FBP2: variants seen among roughly 807,000 people sequenced by gnomAD.
The protein encoded by FBP2 is fructose-1,6-bisphosphatase isozyme 2.
Under a neutral mutation model 31.6 loss-of-function variants are expected in FBP2, and 27 were observed. The observed-to-expected ratio is 0.85, with a 90% CI of 0.63 to 1.18. The LOEUF is 1.18. Among genes scored for constraint, FBP2 ranks in the 50% most tolerant of loss-of-function variants. The probability of loss-of-function intolerance (pLI) is 0.00; values close to 1 mark genes in which losing one functional copy is unlikely to be tolerated. For synonymous variants in FBP2, 168 were observed against 179.8 expected (o/e 0.93, Z 0.53); for missense variants, 421 against 436.1 (o/e 0.97, Z 0.31).
chr9:94,585,826 G>C (rs1292280991), intron 2 of FBP2, among the ~76,000 whole-genome samples: 3 of 151,614 alleles, frequency 2.0e-5, no homozygotes, highest in African/African-American at 4.8e-5. Context: ...GCCTAGGCTG[G>C]TCTCAAACTC....
chr9:94,577,965 T>C (rs547021391), intron 3 of FBP2, among the ~76,000 whole-genome samples: 3 of 152,326 alleles, frequency 2.0e-5, no homozygotes, highest in Admixed American at 2.0e-4. Flanking sequence ...AGTAAGTGAG[T>C]ACACATAAAT....
At chr9:94,575,568 A>G (rs1315488430) in intron 3 of FBP2, among the ~76,000 whole-genome samples, 1 of 152,182 alleles carries the variant, frequency 6.6e-6, no homozygotes, top group Non-Finnish European at 1.5e-5. Flanking sequence ...TGGGGCTACT[A>G]TGACTAATTT....
At chr9:94,578,035 AT>A (rs1347404554) in intron 3 of FBP2, among the ~76,000 whole-genome samples, 1 of 152,250 alleles carries the variant, frequency 6.6e-6, no homozygotes, top group East Asian at 1.9e-4. Flanking sequence ...GGCTTCAAAA[AT>A]TATTAGTAAA....
chr9:94,576,269 C>T (rs7025414), intron 3 of FBP2, among the ~76,000 whole-genome samples: 27,291 of 152,136 alleles, frequency 0.18, 3,794 homozygotes, highest in African/African-American at 0.4. Flanking sequence ...CTCTTTTAAA[C>T]CCCTCCCTTC....
chr9:94,572,085 G>A (rs761063036), intron 3 of FBP2, among the ~76,000 whole-genome samples: 3 of 152,036 alleles, frequency 2.0e-5, no homozygotes, highest in Non-Finnish European at 2.9e-5. Flanking sequence ...TGCACAACTC[G>A]CCCAGCAGCA....
intron 6 of FBP2, among the ~76,000 whole-genome samples, chr9:94,561,402 A>G (rs1485031201): frequency 8.9e-6 from 1 of 111,900 alleles, no homozygotes; most frequent in Non-Finnish European, 1.7e-5. Flanking sequence ...TCACTCTGTC[A>G]CCCAGGCTGG....
intron 3 of FBP2, among the ~76,000 whole-genome samples, chr9:94,583,685 C>T (rs113984570): frequency 0.035 from 5,366 of 152,266 alleles, 299 homozygotes; most frequent in African/African-American, 0.12. Context: ...CTGCAACCTG[C>T]ACTTCCTGGG....
intron 1 of FBP2, among the ~76,000 whole-genome samples, chr9:94,591,754 ACT>A (rs1827506118): frequency 6.6e-6 from 1 of 152,134 alleles, no homozygotes; most frequent in African/African-American, 2.4e-5. Flanking sequence ...GCGCTCGCTA[ACT>A]CTGCAACAAC....
intron 3 of FBP2, 128 bp from the exon 4 acceptor site, chr9:94,571,730 G>T: frequency 1.2e-6 from 1 of 830,670 alleles, no homozygotes; most frequent in Non-Finnish European, 1.8e-6. Context: ...TTAAGCTGCT[G>T]CAAATCCATC....
intron 2 of FBP2, 152 bp from the exon 3 acceptor site, chr9:94,584,821 G>A (rs1356210967): frequency 1.6e-6 from 1 of 630,148 alleles, no homozygotes; most frequent in South Asian, 1.9e-5. Context: ...GACTTACGGA[G>A]GGCAGGGTGC....
intron 3 of FBP2, among the ~76,000 whole-genome samples, chr9:94,582,607 G>C (rs1238538379): frequency 2.0e-5 from 3 of 150,598 alleles, no homozygotes; most frequent in Non-Finnish European, 4.4e-5. Flanking sequence ...GAGTGCAGTG[G>C]CGCGATCTTG....
At chr9:94,568,817 G>T (rs1360202103) in intron 4 of FBP2, 2 of 152,048 alleles carry the variant, frequency 1.3e-5, no homozygotes, top group Non-Finnish European at 2.9e-5. Context: ...AGATAAAAAT[G>T]ATTAAGGTAA....
At chr9:94,588,819 G>A (rs1173993335) in intron 1 of FBP2, among the ~76,000 whole-genome samples, 1 of 152,098 alleles carries the variant, frequency 6.6e-6, no homozygotes, top group Non-Finnish European at 1.5e-5. Flanking sequence ...CTGCGCCCGG[G>A]TTGGCATGGC....
chr9:94,590,108 G>T (rs951706396), intron 1 of FBP2, among the ~76,000 whole-genome samples: 5 of 152,012 alleles, frequency 3.3e-5, no homozygotes, highest in Non-Finnish European at 5.9e-5. Context: ...GCACTGGGCA[G>T]CACCCCTCCT....
chr9:94,593,699 C>A lies in FBP2; in HGVS notation c.28G>T (p.Asp10Tyr). Residue 10 changes from aspartate to tyrosine, a missense_variant, in exon 1 of 7, where the codon GAC becomes TAC. By Grantham distance (160) the Asp-to-Tyr change is radical (BLOSUM62 -3). Coordinates refer to ENST00000375337, the MANE Select transcript of FBP2 (RefSeq NM_003837.4). ...ACGTAGCGGGTCAGGGTGAGCATGT[C>A]GGTTTCGAAGGGGCTTCTGTCCGTC... MTDRSPFET[D>Y]MLTLTRYVME... The A allele has an allele frequency of 6.2e-7, 1 of 1,614,116 alleles. No individual in the cohort carries two copies. The highest frequency in any genetic ancestry group is 8.5e-7 in the Non-Finnish European group (1 of 1,180,000).
At position 94,587,404 on chromosome 9, in the gene FBP2, T is replaced by C. The variant is rs779683749; in HGVS notation, c.236A>G (p.Asn79Ser). The C allele has an allele frequency of 4.3e-6, 7 of 1,613,836 alleles. No individual in the cohort carries two copies. The highest frequency in any genetic ancestry group is 2.2e-5 in the East Asian group (1 of 44,894). Residue 79 changes from asparagine (N) to serine (S), a missense_variant, in exon 2 of 7, where the codon AAT becomes AGT. By Grantham distance (46) the Asn-to-Ser change is conservative (BLOSUM62 1). Transcript: ENST00000375337. ...DEVKKLDVLS[N>S]SLVINMVQSS... The stretch of plus-strand genomic sequence containing the variant: ...TTGGACCATGTTGATCACCAGGGAA[T>C]TGGATAGCACATCCAGTTTCTTCAC...
intron 3 of FBP2, among the ~76,000 whole-genome samples, chr9:94,574,050 GTTCGT>G (rs1308508703): frequency 6.6e-6 from 1 of 152,052 alleles, no homozygotes; most frequent in Non-Finnish European, 1.5e-5. Context: ...TGAGACATTG[GTTCGT>G]TTCATCTAAG....
chr9:94,586,608 G>C (rs1023033030), intron 2 of FBP2: 4 of 152,172 alleles, frequency 2.6e-5, no homozygotes, highest in African/African-American at 9.7e-5. Flanking sequence ...ATAGAGCAGA[G>C]GTTAAATAAA....
intron 6 of FBP2, among the ~76,000 whole-genome samples, chr9:94,561,911 A>G (rs1421144797): frequency 1.3e-5 from 2 of 152,318 alleles, no homozygotes; most frequent in East Asian, 3.9e-4. Context: ...ATGTGATCCC[A>G]TGTGAGTATT....
Sources: gnomAD v4.1 joint callset for allele counts (sites outside exome capture counted in the v4.1 genomes callset) on GRCh38, gnomAD v4.1.1 for gene constraint, MANE v1.5 for transcripts, NCBI Gene and HGNC (gene_info 2026-07-23, HGNC 2026-07-21) for gene names.